The following PDE8B variants were observed in gnomAD, a reference collection of about 807,000 sequenced individuals.
PDE8B encodes the protein phosphodiesterase 8B.
PDE8B carries 26 observed loss-of-function variants against 101.3 expected under a neutral mutation model. The observed-to-expected ratio is 0.26, with a 90% CI of 0.19 to 0.36. The LOEUF (loss-of-function observed/expected upper bound fraction) is 0.36. PDE8B is among the 10% of genes least tolerant of loss of function. The pLI is 1.00. For synonymous variants in PDE8B, 424 were observed against 429.3 expected (o/e 0.99, Z 0.15); for missense variants, 810 against 1,163.1 (o/e 0.70, Z 4.42).
chr5:77,328,528 A>G (rs1776485993), intron 3 of PDE8B, among the ~76,000 whole-genome samples: 1 of 151,302 alleles, frequency 6.6e-6, no homozygotes, highest in East Asian at 1.9e-4. Flanking sequence ...TTTAACTGGC[A>G]TTTGTACATC....
At chr5:77,206,620 G>A (rs1747522400), upstream of PDE8B, among the ~76,000 whole-genome samples, 1 of 152,126 alleles carries the variant, frequency 6.6e-6, no homozygotes, top group African/African-American at 2.4e-5. Flanking sequence ...AGCAGTGAGG[G>A]TGGGCTCAGC....
the PDE8B span, among the ~76,000 whole-genome samples, chr5:77,102,254 C>G: frequency 6.6e-6 from 1 of 152,052 alleles, no homozygotes; most frequent in Admixed American, 6.6e-5. Flanking sequence ...TCATTTGCAC[C>G]AGGCTTTTAG....
At chr5:77,375,275 G>A (rs568370900) in intron 10 of PDE8B, among the ~76,000 whole-genome samples, 1 of 152,230 alleles carries the variant, frequency 6.6e-6, no homozygotes, top group Admixed American at 6.5e-5. Flanking sequence ...GGAGCTCCAG[G>A]GCCCAAGACT....
intron 5 of PDE8B, among the ~76,000 whole-genome samples, chr5:77,334,568 G>C (rs1405826409): frequency 1.3e-5 from 2 of 152,144 alleles, no homozygotes; most frequent in African/African-American, 4.8e-5. Context: ...CTGTGGAGAG[G>C]CCTTTTGTGG....
rs765720301 is a variant in PDE8B at position 77,211,004 on chromosome 5, C to A, written c.79C>A (p.Arg27Ser). ...CRDSDESSSP[R>S]QTTSVSQGPA... is the part of the protein sequence containing the mutation. ...GGACTCGGACGAGTCCAGCTCGCCCCGCCAGACCACCAGCGTGTCGCAGGG... is the reference window on the plus strand; with the variant it reads ...GGACTCGGACGAGTCCAGCTCGCCCAGCCAGACCACCAGCGTGTCGCAGGG... Residue 27 changes from arginine (R) to serine (S), a missense_variant, in exon 1 of 22, where the codon CGC becomes AGC. By Grantham distance (110) the Arg-to-Ser change is moderately radical. Around this residue, in one of 4 missense-constraint regions of PDE8B, gnomAD observed 159 missense variants for 146.6 expected, o/e 1.08. Coordinates refer to ENST00000264917, the MANE Select transcript of PDE8B (RefSeq NM_003719.5). This position sits in a 1 kb window ranked among gnomAD's most constrained non-coding sequence, Gnocchi z 4.1. 6.5e-7 allele frequency: 1 copy of A among 1,548,944 alleles called. No homozygotes were observed. Among genetic ancestry groups the A allele is most frequent in the Admixed American group, 1.8e-5 (1 of 54,790 alleles).
chr5:77,287,647 A>G (rs1766331930), intron 1 of PDE8B, among the ~76,000 whole-genome samples: 1 of 151,910 alleles, frequency 6.6e-6, no homozygotes, highest in Non-Finnish European at 1.5e-5. Flanking sequence ...TATATTTGCC[A>G]TCCTTTTGTC....
chr5:77,184,686 A>G, the PDE8B span, among the ~76,000 whole-genome samples: 1 of 152,138 alleles, frequency 6.6e-6, no homozygotes, highest in Admixed American at 6.5e-5. Flanking sequence ...AGTAGCTTAA[A>G]AAATAGAAAG....
At chr5:77,256,414 C>T (rs1464843984) in intron 1 of PDE8B, among the ~76,000 whole-genome samples, 4 of 152,338 alleles carry the variant, frequency 2.6e-5, no homozygotes, top group African/African-American at 9.6e-5. Flanking sequence ...AGTCCCTCTA[C>T]TTCAGTGCAT....
intron 1 of PDE8B, among the ~76,000 whole-genome samples, chr5:77,308,159 GCC>G (rs1771680497): frequency 6.6e-6 from 1 of 152,206 alleles, no homozygotes; most frequent in Admixed American, 6.5e-5. Context: ...ACTACCTAGT[GCC>G]AGCCCTCAGA....
At chr5:77,290,410 C>G in intron 1 of PDE8B, 4 of 1,403,082 alleles carry the variant, frequency 2.9e-6, no homozygotes, top group Non-Finnish European at 4.0e-6. Context: ...AACAACTAGC[C>G]AATAGCAAGA....
the PDE8B span, among the ~76,000 whole-genome samples, chr5:77,095,797 T>G: frequency 2.0e-5 from 3 of 152,292 alleles, no homozygotes; most frequent in South Asian, 6.2e-4. Flanking sequence ...ACCATTCTTC[T>G]CCCCAAGCTT....
At chr5:77,102,062 C>T in the PDE8B span, among the ~76,000 whole-genome samples, 1 of 152,090 alleles carries the variant, frequency 6.6e-6, no homozygotes, top group Admixed American at 6.5e-5. Context: ...TTTAAAAAGC[C>T]TATACTGTAG....
intron 10 of PDE8B, among the ~76,000 whole-genome samples, chr5:77,355,889 C>G (rs1177370122): frequency 1.3e-5 from 2 of 152,190 alleles, no homozygotes; most frequent in African/African-American, 4.8e-5. Flanking sequence ...GGCCAAGAAA[C>G]TAGAGCCTGC....
At chr5:77,274,097 C>T (rs1363463567) in intron 1 of PDE8B, among the ~76,000 whole-genome samples, 1 of 152,170 alleles carries the variant, frequency 6.6e-6, no homozygotes, top group Non-Finnish European at 1.5e-5. Flanking sequence ...GATGGGATTA[C>T]AGGCGTGAAC....
In PDE8B at chr5:77,331,633, G is replaced by A. The variant is rs570738519; in HGVS notation, c.708+174G>A. ...GGAAAGTAACGAGCAGCTGCCAGTC[G>A]AGCTCTTTGCGTTTTTGCTCTCTGG... On this transcript the variant is annotated intron_variant, in intron 5 of 21. Transcript: ENST00000264917. Among the ~76,000 whole-genome samples the A allele has an allele frequency of 4.6e-5, 7 of 152,212 alleles. No individual in the cohort carries two copies. The South Asian group carries it at 6.2e-4, about 14-fold the overall frequency.
intron 2 of PDE8B, among the ~76,000 whole-genome samples, chr5:77,313,304 A>G (rs977080530): frequency 6.6e-6 from 1 of 152,202 alleles, no homozygotes; most frequent in Non-Finnish European, 1.5e-5. Context: ...AGGAAAAAAA[A>G]AAAGGAAGAG....
intron 1 of PDE8B, among the ~76,000 whole-genome samples, chr5:77,300,895 T>C (rs1311014776): frequency 1.3e-5 from 2 of 152,232 alleles, no homozygotes; most frequent in African/African-American, 4.8e-5. Flanking sequence ...ATAAGTGAAA[T>C]TCCTTTTCAA....
At chr5:77,101,209 T>G in the PDE8B span, among the ~76,000 whole-genome samples, 1 of 151,466 alleles carries the variant, frequency 6.6e-6, no homozygotes, top group African/African-American at 2.4e-5. Flanking sequence ...GGGCTCAAGC[T>G]ATCCTCCTGC....
chr5:77,288,560 C>T (rs1241334830), intron 1 of PDE8B, among the ~76,000 whole-genome samples: 6 of 152,116 alleles, frequency 3.9e-5, no homozygotes, highest in African/African-American at 1.2e-4. Context: ...GTCATACAGA[C>T]CCTGAAAGTA....
Sources: gnomAD v4.1 joint callset for allele counts (sites outside exome capture counted in the v4.1 genomes callset) on GRCh38, gnomAD v4.1.1 for gene constraint, gnomAD v4.1.1 regional missense constraint, Gnocchi (gnomAD v3.1) non-coding constraint, MANE v1.5 for transcripts, NCBI Gene and HGNC (gene_info 2026-07-23, HGNC 2026-07-21) for gene names.